Variants in NAV3 observed in about 807,000 individuals in gnomAD.
The protein encoded by NAV3 is neuron navigator 3.
Under a neutral mutation model 244.7 loss-of-function variants are expected in NAV3, and 87 were observed. That is an observed-to-expected ratio of 0.36 (90% confidence interval 0.30 to 0.42). The LOEUF (loss-of-function observed/expected upper bound fraction) is 0.42. Among genes scored for constraint, NAV3 ranks in the 20% least tolerant of loss-of-function variants. The pLI, the probability that NAV3 is intolerant of heterozygous loss-of-function variation, is 1.00. For synonymous variants in NAV3, 1,126 were observed against 1,042.2 expected, an observed-to-expected ratio of 1.08 and a Z score of -1.55; for missense variants, 2,663 against 2,893.3, an observed-to-expected ratio of 0.92 and a Z score of 1.83.
intron 2 of NAV3, among the ~76,000 whole-genome samples, chr12:77,605,632 C>T (rs1185633676): frequency 6.6e-6 from 1 of 151,976 alleles, no homozygotes; most frequent in East Asian, 1.9e-4. Context: ...ATAATCTTTT[C>T]TTAGAGGGAA....
chr12:77,628,137 T>C (rs1374621033), intron 2 of NAV3, among the ~76,000 whole-genome samples: 1 of 152,194 alleles, frequency 6.6e-6, no homozygotes, highest in Non-Finnish European at 1.5e-5. Context: ...TATTTCAAAA[T>C]AGCTAGAAGA....
At chr12:77,696,368 G>A (rs1021115768) in intron 2 of NAV3, among the ~76,000 whole-genome samples, 4 of 152,128 alleles carry the variant, frequency 2.6e-5, no homozygotes, top group Admixed American at 6.6e-5. Context: ...CTCATGTGGT[G>A]AGAAAGTAAA....
At chr12:77,672,083 A>C (rs905992052) in intron 2 of NAV3, among the ~76,000 whole-genome samples, 1 of 152,168 alleles carries the variant, frequency 6.6e-6, no homozygotes, top group Admixed American at 6.6e-5. Context: ...ATCCCATCAA[A>C]AAATGGGCTA....
At chr12:77,576,484 T>C (rs535373143) in intron 2 of NAV3, among the ~76,000 whole-genome samples, 2 of 152,120 alleles carry the variant, frequency 1.3e-5, no homozygotes, top group Non-Finnish European at 2.9e-5. Context: ...CCTGGAAACA[T>C]CACCCACTTA....
intron 9 of NAV3, among the ~76,000 whole-genome samples, chr12:78,048,463 C>T (rs1882209348): frequency 6.6e-6 from 1 of 152,166 alleles, no homozygotes; most frequent in Non-Finnish European, 1.5e-5. Context: ...TTCCTTTTAA[C>T]AGTCAGGCCC....
intron 1 of NAV3, among the ~76,000 whole-genome samples, chr12:77,858,063 TA>T (rs1451185302): frequency 6.6e-6 from 1 of 152,094 alleles, no homozygotes; most frequent in Non-Finnish European, 1.5e-5. Context: ...TTCATGAGCT[TA>T]GGAATTTTAA....
chr12:77,935,970 A>C (rs1451052018), intron 1 of NAV3, among the ~76,000 whole-genome samples: 1 of 152,194 alleles, frequency 6.6e-6, no homozygotes, highest in African/African-American at 2.4e-5. Flanking sequence ...CCCCTCCTCC[A>C]ATACTGGGAA....
chr12:77,947,927 A>T (rs140048089), intron 3 of NAV3, among the ~76,000 whole-genome samples: 95 of 152,184 alleles, frequency 6.2e-4, no homozygotes, highest in Non-Finnish European at 1.3e-3. Flanking sequence ...TGTTAAAAGA[A>T]CAAAGGTGAC....
chr12:77,771,271 C>A (rs2135877862), intron 2 of NAV3, among the ~76,000 whole-genome samples: 1 of 152,266 alleles, frequency 6.6e-6, no homozygotes, highest in East Asian at 1.9e-4. Context: ...ACAACAGGTG[C>A]TGGAGAGGAT....
intron 2 of NAV3, among the ~76,000 whole-genome samples, chr12:77,651,182 C>A (rs1195818967): frequency 1.3e-5 from 2 of 152,084 alleles, no homozygotes; most frequent in Non-Finnish European, 2.9e-5. Context: ...TAGCTGCTTG[C>A]ATAATTGCTT....
At chr12:77,905,952 G>C (rs1462881622) in intron 1 of NAV3, among the ~76,000 whole-genome samples, 1 of 152,072 alleles carries the variant, frequency 6.6e-6, no homozygotes, top group Non-Finnish European at 1.5e-5. Context: ...CGATCTACTG[G>C]GTAGTTAACT....
At chr12:77,626,219 GA>G (rs1871613539) in intron 2 of NAV3, among the ~76,000 whole-genome samples, 1 of 151,146 alleles carries the variant, frequency 6.6e-6, no homozygotes. Flanking sequence ...TGAACTTGAA[GA>G]CAGGTGTTTT....
rs566540430 is a variant in NAV3 at position 77,644,077 on chromosome 12, G to A, written c.72+71811G>A. ...TATAGAGACAACATATACACATGTA[G>A]GCATGTATTCATCTAAAAGCTGGAG... On this transcript the variant is annotated intron_variant, in intron 2 of 8. Coordinates refer to the NAV3 transcript ENST00000550042. 1.4e-4 allele frequency among the ~76,000 whole-genome samples: 22 copies of A among 152,130 alleles called. No homozygotes were observed. In the South Asian group the frequency reaches 3.5e-3, roughly 24 times the overall value.
At position 78,049,642 on chromosome 12, in the gene NAV3, C is replaced by A. The variant is rs140302781; in HGVS notation, c.2024-351C>A. Among the ~76,000 whole-genome samples the A allele has an allele frequency of 7.8e-3, 1,183 of 150,898 alleles. 27 individuals are homozygous for A. Among genetic ancestry groups the A allele is most frequent in the East Asian group, 0.021 (103 of 4,986 alleles). ...TCTCACTGGGAGCAGCAGACTGGAG[C>A]TGTTCCTATTCAGCCATCTTTCTCA... On this transcript the variant is annotated intron_variant, in intron 9 of 39. Coordinates refer to ENST00000397909, the MANE Select transcript of NAV3 (RefSeq NM_001024383.2).
At position 78,188,722 on chromosome 12, in the gene NAV3, G is replaced by T. The variant is rs2139854672; in HGVS notation, c.6000G>T (p.Leu2000Phe). ...CCCATAACCTAGAAGTGCCTGAATTGCTGCCTTGTGGATACCTTGTTGGAG... is the reference window on the plus strand; with the variant it reads ...CCCATAACCTAGAAGTGCCTGAATTTCTGCCTTGTGGATACCTTGTTGGAG... ...IRSHNLEVPE[L>F]LPCGYLVGDN... The change falls in exon 33 of 40, where the codon TTG (leucine) becomes TTT (phenylalanine). Residue 2000 changes from leucine to phenylalanine, a missense_variant. Coordinates refer to ENST00000397909, the MANE Select transcript of NAV3 (RefSeq NM_001024383.2). The T allele has an allele frequency of 3.1e-6, 5 of 1,612,430 alleles. No homozygotes were observed. The highest frequency in any genetic ancestry group is 3.4e-6 in the Non-Finnish European group (4 of 1,178,954).
At chr12:77,661,728 G>A (rs184110162) in intron 2 of NAV3, among the ~76,000 whole-genome samples, 1 of 152,082 alleles carries the variant, frequency 6.6e-6, no homozygotes, top group East Asian at 1.9e-4. Flanking sequence ...GGTACATGGT[G>A]TGAGACTACA....
chr12:77,831,151 CAGAGAGAGAGAGAGAGACAG>C lies in NAV3; in HGVS notation c.-293_-274del, dbSNP rs1873581015. On this transcript the variant is annotated 5_prime_UTR_variant, in exon 1 of 40. Coordinates refer to ENST00000397909, the MANE Select transcript of NAV3 (RefSeq NM_001024383.2). ...ATTACTTAGATACTGAGTCACTGAA[CAGAGAGAGAGAGAGAGACAG>C]AGAGAGAGAGAGAGAGAGAGAGACA... The C allele has an allele frequency of 6.5e-6, 1 of 153,806 alleles. No individual in the cohort carries two copies. The highest frequency in any genetic ancestry group is 6.9e-5 in the Admixed American group (1 of 14,498). 9.5% of individuals were successfully genotyped at this position (153,806 alleles called of 1,614,324 possible).
At chr12:77,747,811 C>A (rs904491787) in intron 2 of NAV3, among the ~76,000 whole-genome samples, 1 of 152,058 alleles carries the variant, frequency 6.6e-6, no homozygotes, top group Non-Finnish European at 1.5e-5. Context: ...CATGTTCTCA[C>A]TCATAGGTGG....
At chr12:77,975,797 AG>A (rs1365752248) in intron 5 of NAV3, among the ~76,000 whole-genome samples, 1 of 149,274 alleles carries the variant, frequency 6.7e-6, no homozygotes, top group Non-Finnish European at 1.5e-5. Context: ...TCCTGGAGAG[AG>A]GGGAAGATAC....
Sources: gnomAD v4.1 joint callset for allele counts (sites outside exome capture counted in the v4.1 genomes callset) on GRCh38, gnomAD v4.1.1 for gene constraint, MANE v1.5 for transcripts, NCBI Gene and HGNC (gene_info 2026-07-23, HGNC 2026-07-21) for gene names.